The following PTGR1 variants were observed in gnomAD, a reference collection of about 807,000 sequenced individuals.
PTGR1 encodes the protein 15-oxoprostaglandin 13-reductase.
PTGR1 carries 23 observed loss-of-function variants against 37.7 expected under a neutral mutation model. The observed-to-expected ratio is 0.61, with a 90% confidence interval of 0.44 to 0.86. The LOEUF (loss-of-function observed/expected upper bound fraction) is 0.86, where lower values mean the gene tolerates loss of function less well. Among genes scored for constraint, PTGR1 ranks in the 40% least tolerant of loss-of-function variants. The pLI is 0.00. For synonymous variants in PTGR1, 134 were observed against 140.0 expected, an observed-to-expected ratio of 0.96 and a Z score of 0.30; for missense variants, 351 against 394.3, an observed-to-expected ratio of 0.89 and a Z score of 0.93.
downstream of PTGR1, among the ~76,000 whole-genome samples, chr9:111,559,106 G>T (rs1355138793): frequency 6.6e-6 from 1 of 151,984 alleles, no homozygotes; most frequent in Non-Finnish European, 1.5e-5. Context: ...CTCCCCTCAG[G>T]CTCTGACCTC....
At chr9:111,576,245 C>A in intron 7 of PTGR1, 2 of 926,914 alleles carry the variant, frequency 2.2e-6, no homozygotes, top group Non-Finnish European at 3.3e-6. Context: ...TATTTGCAAG[C>A]CATATAGAGT....
intron 4 of PTGR1, chr9:111,589,363 A>C: frequency 1.1e-6 from 1 of 887,044 alleles, no homozygotes; most frequent in Non-Finnish European, 1.4e-6. Flanking sequence ...GATTTCTACC[A>C]ATGGTATTAT....
At chr9:111,561,302 G>T (rs899368345), downstream of PTGR1, among the ~76,000 whole-genome samples, 1 of 151,770 alleles carries the variant, frequency 6.6e-6, no homozygotes, top group Admixed American at 6.6e-5. Flanking sequence ...TAGACACAGG[G>T]TCTTACTCTG....
intron 1 of PTGR1, 198 bp downstream of exon 1, chr9:111,599,405 A>C (rs1829876715): frequency 1.3e-5 from 2 of 152,274 alleles, no homozygotes; most frequent in African/African-American, 2.4e-5. Flanking sequence ...CTCTCCAAGG[A>C]ACTGCGGGGG....
intron 4 of PTGR1, among the ~76,000 whole-genome samples, chr9:111,590,082 A>G (rs1422659700): frequency 6.6e-6 from 1 of 152,354 alleles, no homozygotes; most frequent in African/African-American, 2.4e-5. Flanking sequence ...ACAAAGGCCC[A>G]AACATTTGCA....
In PTGR1 at chr9:111,597,321, AT is replaced by A; in HGVS notation, c.101del (p.Asn34MetfsTer17). The A allele has an allele frequency of 1.2e-6, 2 of 1,603,638 alleles. No individual in the cohort carries two copies. The highest frequency in any genetic ancestry group is 1.7e-6 in the Non-Finnish European group (2 of 1,171,230). ...LKTAELPPLK[N>X]GEVLLEALFL... ...AATATTTTTAGTATGACTTACCTCC[AT>A]TTTTTAAGGGTGGGAGCTCAGCTGT... On this transcript the variant is annotated frameshift_variant, in exon 2 of 10. Transcript: ENST00000407693. LOFTEE classifies it high-confidence loss of function.
chr9:111,569,549 G>T (rs537205715), intron 9 of PTGR1, among the ~76,000 whole-genome samples: 1 of 152,108 alleles, frequency 6.6e-6, no homozygotes, highest in African/African-American at 2.4e-5. Context: ...AGACTGAGGC[G>T]GGCGCATCAC....
intron 1 of PTGR1, among the ~76,000 whole-genome samples, chr9:111,598,234 G>A (rs1829841263): frequency 6.6e-6 from 1 of 152,164 alleles, no homozygotes; most frequent in Non-Finnish European, 1.5e-5. Flanking sequence ...GATGATGAAG[G>A]CTGCCCCGAG....
At chr9:111,550,577 T>A (rs1405316934) in intron 9 of PTGR1, among the ~76,000 whole-genome samples, 1 of 152,178 alleles carries the variant, frequency 6.6e-6, no homozygotes, top group Non-Finnish European at 1.5e-5. Context: ...GATGGACTCA[T>A]GTGCTCCCAA....
At chr9:111,557,402 C>G (rs1295924569) in intron 9 of PTGR1, among the ~76,000 whole-genome samples, 3 of 151,508 alleles carry the variant, frequency 2.0e-5, no homozygotes, top group African/African-American at 7.3e-5. Context: ...GACTTGAACA[C>G]ATGGAAAGGT....
rs553435013 is a variant in PTGR1 at position 111,598,341 on chromosome 9, C to T, written c.-10-909G>A. Among the ~76,000 whole-genome samples, 186 of 151,396 alleles carry T rather than the reference C, an allele frequency of 1.2e-3. 1 individual carries two copies. Among genetic ancestry groups the T allele is most frequent in the African/African-American group, 4.4e-3 (182 of 41,540 alleles). ...GCATCCGCTACAAACAATCCAGTTACGAAACCATTTGGAGCTGCCAGTGAT... is the reference window on the plus strand; with the variant it reads ...GCATCCGCTACAAACAATCCAGTTATGAAACCATTTGGAGCTGCCAGTGAT... On this transcript the variant is annotated intron_variant, in intron 1 of 9. Transcript: ENST00000407693.
chr9:111,584,438 G>A (rs1829370645), intron 5 of PTGR1, among the ~76,000 whole-genome samples: 1 of 152,242 alleles, frequency 6.6e-6, no homozygotes, highest in Admixed American at 6.5e-5. Context: ...TTGAATGTAA[G>A]AAGGTATTAA....
At chr9:111,569,869 G>A in intron 9 of PTGR1, 1 of 630,152 alleles carries the variant, frequency 1.6e-6, no homozygotes, top group Non-Finnish European at 2.6e-6. Context: ...GAAGGGAAAT[G>A]GACCTGCATT....
chr9:111,558,071 C>T (rs1047172983), downstream of PTGR1, among the ~76,000 whole-genome samples: 1 of 152,010 alleles, frequency 6.6e-6, no homozygotes, highest in African/African-American at 2.4e-5. Context: ...TGCTTGAACC[C>T]GGGAGGCGGA....
intron 5 of PTGR1, among the ~76,000 whole-genome samples, chr9:111,583,867 T>C (rs1163534213): frequency 6.6e-6 from 1 of 152,132 alleles, no homozygotes; most frequent in Non-Finnish European, 1.5e-5. Context: ...GGGCAAAAGA[T>C]GGAATATCTT....
At chr9:111,580,121 C>T (rs1313337318) in intron 6 of PTGR1, among the ~76,000 whole-genome samples, 4 of 152,118 alleles carry the variant, frequency 2.6e-5, no homozygotes, top group African/African-American at 7.2e-5. Context: ...CTCTTTCACT[C>T]TTATGACCTC....
intron 9 of PTGR1, among the ~76,000 whole-genome samples, chr9:111,551,610 C>A (rs778064466): frequency 7.9e-5 from 12 of 151,880 alleles, no homozygotes; most frequent in African/African-American, 1.2e-4. Context: ...CTGTGTTGCC[C>A]AGGCTGTTCT....
At chr9:111,561,138 GGA>G (rs1402688269), downstream of PTGR1, among the ~76,000 whole-genome samples, 2 of 20,090 alleles carry the variant, frequency 1.0e-4, no homozygotes, top group South Asian at 1.7e-3. Flanking sequence ...GAGAGAGAGA[GGA>G]GAGAGAGGGA....
intron 9 of PTGR1, among the ~76,000 whole-genome samples, chr9:111,557,109 C>T (rs866741300): frequency 6.6e-6 from 1 of 152,200 alleles, no homozygotes; most frequent in African/African-American, 2.4e-5. Context: ...ACATTCAGCT[C>T]CTCATGCAGC....
Sources: gnomAD v4.1 joint callset for allele counts (sites outside exome capture counted in the v4.1 genomes callset) on GRCh38, gnomAD v4.1.1 for gene constraint, MANE v1.5 for transcripts, NCBI Gene and HGNC (gene_info 2026-07-23, HGNC 2026-07-21) for gene names.